FOXP2: variants seen among roughly 807,000 people sequenced by gnomAD.
The protein encoded by FOXP2 is forkhead box P2.
A neutral mutation model predicts 115.8 loss-of-function variants in FOXP2; 12 were observed. That is an observed-to-expected ratio of 0.10 (90% CI 0.07 to 0.17). The LOEUF is 0.17. Among genes scored for constraint, FOXP2 ranks in the 10% least tolerant of loss-of-function variants. The pLI is 1.00. For missense variants in FOXP2, 629 were observed against 843.5 expected, an observed-to-expected ratio of 0.75 and a Z score of 3.15; for synonymous variants, 328 against 297.7, an observed-to-expected ratio of 1.10 and a Z score of -1.05.
At chr7:114,487,678 C>T (rs1231786388) in intron 2 of FOXP2, among the ~76,000 whole-genome samples, 1 of 152,136 alleles carries the variant, frequency 6.6e-6, no homozygotes, top group African/African-American at 2.4e-5. Flanking sequence ...TTCAAAGTTC[C>T]ACATATTGCT....
intron 1 of FOXP2, among the ~76,000 whole-genome samples, chr7:114,112,271 CA>C (rs1418503764): frequency 1.3e-5 from 2 of 151,780 alleles, no homozygotes; most frequent in Admixed American, 6.6e-5. Context: ...ATACCAGTAC[CA>C]AAAAGGGGAA....
At chr7:114,526,216 C>T (rs564267634) in intron 2 of FOXP2, among the ~76,000 whole-genome samples, 3 of 142,126 alleles carry the variant, frequency 2.1e-5, no homozygotes, top group South Asian at 2.3e-4. Context: ...CAGTGGCTCA[C>T]GCCTCTAATC....
chr7:114,604,726 G>A (rs1284092238), intron 3 of FOXP2, among the ~76,000 whole-genome samples: 1 of 152,010 alleles, frequency 6.6e-6, no homozygotes, highest in Non-Finnish European at 1.5e-5. Flanking sequence ...AATGAGTCCG[G>A]GTAAATTCTG....
At chr7:114,395,840 G>T (rs947766415) in intron 2 of FOXP2, among the ~76,000 whole-genome samples, 2 of 151,908 alleles carry the variant, frequency 1.3e-5, no homozygotes, top group African/African-American at 4.8e-5. Flanking sequence ...AATCTAGTGT[G>T]TGGGGGCAGG....
intron 6 of FOXP2, among the ~76,000 whole-genome samples, chr7:114,636,095 A>G (rs1253640177): frequency 6.6e-6 from 1 of 152,170 alleles, no homozygotes; most frequent in Non-Finnish European, 1.5e-5. Context: ...TCTGTAGGTG[A>G]TAGTAGACCT....
intron 2 of FOXP2, among the ~76,000 whole-genome samples, chr7:114,364,245 AC>A: frequency 6.6e-6 from 1 of 152,112 alleles, no homozygotes; most frequent in South Asian, 2.1e-4. Flanking sequence ...CAGTTAGCTC[AC>A]TTAGCTACCC....
At chr7:114,351,957 C>T (rs992145918) in intron 2 of FOXP2, among the ~76,000 whole-genome samples, 5 of 151,990 alleles carry the variant, frequency 3.3e-5, no homozygotes, top group African/African-American at 9.7e-5. Flanking sequence ...ATGTCTGAAT[C>T]GGATGAAATT....
At chr7:114,599,191 A>G (rs781394331) in intron 3 of FOXP2, among the ~76,000 whole-genome samples, 3 of 152,048 alleles carry the variant, frequency 2.0e-5, no homozygotes, top group Non-Finnish European at 4.4e-5. Context: ...TTTATTCAGT[A>G]TGATGTTTGC....
At chr7:114,406,849 C>T (rs1382387099) in intron 2 of FOXP2, among the ~76,000 whole-genome samples, 2 of 151,944 alleles carry the variant, frequency 1.3e-5, no homozygotes, top group African/African-American at 4.8e-5. Flanking sequence ...CTGTCTTTAT[C>T]GCTACAGTAC....
intron 2 of FOXP2, among the ~76,000 whole-genome samples, chr7:114,524,005 A>G (rs1798747134): frequency 1.3e-5 from 2 of 152,198 alleles, no homozygotes. Context: ...CAGGTTTAGC[A>G]AGTAAAAATA....
intron 2 of FOXP2, among the ~76,000 whole-genome samples, chr7:114,328,749 T>G (rs181718029): frequency 2.0e-5 from 3 of 152,364 alleles, no homozygotes; most frequent in East Asian, 3.9e-4. Context: ...TACTTGTTAT[T>G]GCTCCTTGTT....
chr7:114,351,174 A>G (rs1446687074), intron 2 of FOXP2, among the ~76,000 whole-genome samples: 2 of 152,176 alleles, frequency 1.3e-5, no homozygotes, highest in Non-Finnish European at 2.9e-5. Context: ...TTAATAGCAA[A>G]TGGCCCATGT....
At chr7:114,181,678 T>G (rs1467457378) in intron 1 of FOXP2, among the ~76,000 whole-genome samples, 1 of 152,128 alleles carries the variant, frequency 6.6e-6, no homozygotes, top group African/African-American at 2.4e-5. Flanking sequence ...TTTTAAAGCA[T>G]GAGCCTTTAT....
chr7:114,583,496 G>A (rs1048729922), intron 3 of FOXP2, among the ~76,000 whole-genome samples: 5 of 151,714 alleles, frequency 3.3e-5, no homozygotes, highest in African/African-American at 1.2e-4. Context: ...TTTTTGTACT[G>A]TGTCCAGATA....
rs140432178 is a variant in FOXP2 at position 114,486,351 on chromosome 7, A to T, written c.169-48266A>T. Among the ~76,000 whole-genome samples the T allele has an allele frequency of 6.2e-3, 950 of 152,216 alleles. 4 individuals carry two copies. Among genetic ancestry groups the T allele is most frequent in the African/African-American group, 0.02 (814 of 41,544 alleles). On this transcript the variant is annotated intron_variant, in intron 2 of 16. Coordinates refer to ENST00000350908, the MANE Select transcript of FOXP2 (RefSeq NM_014491.4). ...TTCACTATTACAAGAAGAGGATGGG[A>T]AAAACCCACCCCCATGACTTACTTA...
At chr7:114,209,854 G>A (rs1794298312) in intron 1 of FOXP2, among the ~76,000 whole-genome samples, 1 of 151,964 alleles carries the variant, frequency 6.6e-6, no homozygotes, top group African/African-American at 2.4e-5. Flanking sequence ...TTTTTCTCTA[G>A]TGTGTGCCTG....
chr7:114,392,766 G>A (rs901766556), intron 2 of FOXP2, among the ~76,000 whole-genome samples: 7 of 152,142 alleles, frequency 4.6e-5, no homozygotes, highest in Admixed American at 1.3e-4. Context: ...TTGTATCCTA[G>A]TATTCCCAGG....
At chr7:114,133,899 C>A (rs1237902766) in intron 1 of FOXP2, among the ~76,000 whole-genome samples, 2 of 152,090 alleles carry the variant, frequency 1.3e-5, no homozygotes, top group African/African-American at 4.8e-5. Flanking sequence ...GGAGCTAGGG[C>A]CATGTCCTTG....
At chr7:114,545,624 T>G (rs981074517) in intron 3 of FOXP2, among the ~76,000 whole-genome samples, 1 of 152,200 alleles carries the variant, frequency 6.6e-6, no homozygotes, top group African/African-American at 2.4e-5. Context: ...AGATTGATAG[T>G]TGTCTGCTGC....
Sources: allele counts gnomAD v4.1 joint callset (sites outside exome capture counted in the v4.1 genomes callset), GRCh38; gene constraint gnomAD v4.1.1; transcripts MANE v1.5; gene names NCBI Gene and HGNC (gene_info 2026-07-23, HGNC 2026-07-21).